Variants in PAPPA2 observed in about 807,000 individuals in gnomAD.
The protein encoded by PAPPA2 is pappalysin 2.
A neutral mutation model predicts 176.4 loss-of-function variants in PAPPA2; 86 were observed. The observed-to-expected ratio is 0.49, with a 90% CI of 0.41 to 0.58. PAPPA2 has a LOEUF of 0.58. Ranked by LOEUF, PAPPA2 falls within the 20% of genes least tolerant of loss-of-function variation. The probability of loss-of-function intolerance (pLI) is 0.00; values close to 1 mark genes in which losing one functional copy is unlikely to be tolerated. For synonymous variants in PAPPA2, 809 were observed against 852.2 expected, an observed-to-expected ratio of 0.95 and a Z score of 0.88; for missense variants, 2,073 against 2,256.9, an observed-to-expected ratio of 0.92 and a Z score of 1.65.
chr1:176,683,008 CTATTTATTTATTTATTTATT>C (rs71865149), intron 4 of PAPPA2, among the ~76,000 whole-genome samples: 36 of 140,660 alleles, frequency 2.6e-4, no homozygotes, highest in East Asian at 1.2e-3. Flanking sequence ...TTGCCCAAAG[CTATTTATTTATTTATTTATT>C]TATTTATTTA....
chr1:176,606,487 T>C (rs1432193143), intron 3 of PAPPA2, among the ~76,000 whole-genome samples: 1 of 152,170 alleles, frequency 6.6e-6, no homozygotes, highest in Non-Finnish European at 1.5e-5. Flanking sequence ...TTTTTTTAGA[T>C]GGAGTCTTGC....
At chr1:176,553,040 G>A (rs1459498473) in intron 1 of PAPPA2, among the ~76,000 whole-genome samples, 1 of 151,958 alleles carries the variant, frequency 6.6e-6, no homozygotes, top group Non-Finnish European at 1.5e-5. Context: ...TTTCTCCCTG[G>A]CATCGAGGGT....
At chr1:176,544,502 C>T (rs918409914) in intron 1 of PAPPA2, among the ~76,000 whole-genome samples, 5 of 152,152 alleles carry the variant, frequency 3.3e-5, no homozygotes, top group African/African-American at 1.2e-4. Flanking sequence ...CAAATACTTT[C>T]GAGTAGGAAA....
At chr1:176,626,043 A>T (rs941894747) in intron 3 of PAPPA2, among the ~76,000 whole-genome samples, 4 of 151,772 alleles carry the variant, frequency 2.6e-5, no homozygotes, top group Admixed American at 6.6e-5. Context: ...TGTAAAAATT[A>T]AAAAAAAATT....
rs568139929 is a variant in PAPPA2, at chr1:176,782,223, A to G, written c.4716-7586A>G. ...ATTTTATGTTTCTAAATCTTACCTCATCTATAAAATAAACATTTATACATT... is the reference window on the plus strand; with the variant it reads ...ATTTTATGTTTCTAAATCTTACCTCGTCTATAAAATAAACATTTATACATT... On this transcript the variant is annotated intron_variant, in intron 17 of 22. Transcript: ENST00000367662. 7.2e-4 allele frequency among the ~76,000 whole-genome samples: 110 copies of G among 152,320 alleles called. 2 individuals carry two copies. The highest frequency in any genetic ancestry group is 2.0e-3 in the Admixed American group (30 of 15,286).
intron 1 of PAPPA2, among the ~76,000 whole-genome samples, chr1:176,544,046 G>T (rs1650498344): frequency 6.6e-6 from 1 of 152,168 alleles, no homozygotes; most frequent in African/African-American, 2.4e-5. Context: ...TTAGGTTTGG[G>T]ATTTAGTGTT....
intron 1 of PAPPA2, among the ~76,000 whole-genome samples, chr1:176,542,095 A>G (rs1193558774): frequency 6.6e-6 from 1 of 152,238 alleles, no homozygotes; most frequent in African/African-American, 2.4e-5. Flanking sequence ...AAGTATTTAC[A>G]CATGAACATT....
intron 1 of PAPPA2, among the ~76,000 whole-genome samples, chr1:176,546,877 T>A (rs79171698): frequency 0.091 from 13,902 of 152,234 alleles, 806 homozygotes; most frequent in Middle Eastern, 0.17. Context: ...ATCAATAAAT[T>A]TCAAATTTTA....
At chr1:176,748,927 G>T (rs957836874) in intron 14 of PAPPA2, among the ~76,000 whole-genome samples, 2 of 152,128 alleles carry the variant, frequency 1.3e-5, no homozygotes, top group Non-Finnish European at 2.9e-5. Context: ...ACATTTCTCA[G>T]AATGTATCCC....
At chr1:176,523,317 A>G (rs948579719) in intron 1 of PAPPA2, among the ~76,000 whole-genome samples, 1 of 152,202 alleles carries the variant, frequency 6.6e-6, no homozygotes, top group Non-Finnish European at 1.5e-5. Flanking sequence ...TGGCATGGAA[A>G]GAACTATTCC....
intron 14 of PAPPA2, among the ~76,000 whole-genome samples, chr1:176,740,514 C>A (rs993388220): frequency 1.3e-5 from 2 of 152,176 alleles, no homozygotes; most frequent in African/African-American, 4.8e-5. Flanking sequence ...GCCAAAAATT[C>A]TCTGCCAAAA....
At chr1:176,749,596 A>G (rs1047035323) in intron 14 of PAPPA2, among the ~76,000 whole-genome samples, 7 of 152,176 alleles carry the variant, frequency 4.6e-5, no homozygotes, top group East Asian at 1.9e-4. Flanking sequence ...TGTTCTGCCT[A>G]TTCACCACCA....
chr1:176,616,557 T>C (rs1655270432), intron 3 of PAPPA2: 1 of 1,421,618 alleles, frequency 7.0e-7, no homozygotes, highest in African/African-American at 1.4e-5. Context: ...AACAATCTGG[T>C]TGGATGGTGG....
Position 176,769,706 on chromosome 1 carries a change from G to A in PAPPA2, c.4423G>A (p.Ala1475Thr), listed in dbSNP as rs1440043774. Reference protein sequence around the residue: ...GVPDPSLVNYANFSCSEGTKF... With the variant: ...GVPDPSLVNYTNFSCSEGTKF... The stretch of plus-strand genomic sequence containing the variant: ...TCCCGACCCGTCTTTGGTGAACTAT[G>A]CAAACTTCTCCTGCTCAGAGGGAAC... Residue 1475 changes from alanine to threonine, a missense_variant, in exon 16 of 23, where the codon GCA (alanine) becomes ACA (threonine). Coordinates refer to ENST00000367662, the MANE Select transcript of PAPPA2 (RefSeq NM_020318.3). 1 of 1,613,832 alleles carries A rather than the reference G, an allele frequency of 6.2e-7. No individual in the cohort carries two copies. The highest frequency in any genetic ancestry group is 2.2e-5 in the East Asian group (1 of 44,868).
intron 3 of PAPPA2, among the ~76,000 whole-genome samples, chr1:176,598,188 T>G (rs1339457629): frequency 1.3e-5 from 2 of 152,200 alleles, no homozygotes; most frequent in African/African-American, 4.8e-5. Flanking sequence ...AGAAAAACAG[T>G]GTCCTGCCTA....
chr1:176,489,003 G>T (rs562273495), intron 1 of PAPPA2, among the ~76,000 whole-genome samples: 3 of 152,106 alleles, frequency 2.0e-5, no homozygotes, highest in Non-Finnish European at 2.9e-5. Flanking sequence ...GTATAATAAG[G>T]TTGGGGTACA....
intron 1 of PAPPA2, among the ~76,000 whole-genome samples, chr1:176,484,544 C>T (rs112937863): frequency 8.3e-4 from 127 of 152,190 alleles, no homozygotes; most frequent in African/African-American, 2.9e-3. Flanking sequence ...TATTTTCAGC[C>T]ATTTTTCGGT....
chr1:176,475,688 GA>G (rs1243283845), intron 1 of PAPPA2, among the ~76,000 whole-genome samples: 13 of 152,190 alleles, frequency 8.5e-5, no homozygotes, highest in Non-Finnish European at 1.5e-4. Context: ...ACTGGGCCAA[GA>G]AAATAACCCA....
At chr1:176,824,499 C>T (rs1272554052) in intron 21 of PAPPA2, among the ~76,000 whole-genome samples, 2 of 152,106 alleles carry the variant, frequency 1.3e-5, no homozygotes, top group Non-Finnish European at 2.9e-5. Context: ...TAGAATATTG[C>T]AGTTCAGAGC....
Sources: gnomAD v4.1 joint callset for allele counts (sites outside exome capture counted in the v4.1 genomes callset) on GRCh38, gnomAD v4.1.1 for gene constraint, MANE v1.5 for transcripts, NCBI Gene and HGNC (gene_info 2026-07-23, HGNC 2026-07-21) for gene names.